Variants in DPPA4 observed in about 807,000 individuals in gnomAD.
DPPA4 encodes developmental pluripotency associated 4.
In DPPA4, 22 loss-of-function variants were observed where a neutral mutation model predicts 33.7. The ratio of observed to expected loss-of-function variants is 0.65; its 90% confidence interval spans 0.47 to 0.93. The LOEUF (loss-of-function observed/expected upper bound fraction) is 0.93, where lower values mean the gene tolerates loss of function less well. DPPA4 is among the 40% of genes least tolerant of loss of function. DPPA4 has a pLI of 0.00. For synonymous variants in DPPA4, 156 were observed against 132.3 expected, an observed-to-expected ratio of 1.18 and a Z score of -1.23; for missense variants, 340 against 358.6, an observed-to-expected ratio of 0.95 and a Z score of 0.42.
In DPPA4 at chr3:109,331,770, A is replaced by G; in HGVS notation, c.354T>C (p.Tyr118=). 1.9e-6 allele frequency: 3 copies of G among 1,614,090 alleles called. No individual in the cohort carries two copies. Among genetic ancestry groups the G allele is most frequent in the Non-Finnish European group, 2.5e-6 (3 of 1,180,018 alleles). Residue 118 remains tyrosine (Y), a synonymous_variant, in exon 4 of 7, where the codon TAT becomes TAC. Transcript: ENST00000335658. ...GGTAGGCAAAGGCACACAGGCGCTT[A>G]TATGCATCCAATTTCTAAGACAATA... ...LSSKGQKLDA[Y]KRLCAFAYPN...
intron 1 of DPPA4, 134 bp downstream of exon 1, chr3:109,337,325 TTAAAA>T: frequency 1.4e-6 from 1 of 719,842 alleles, no homozygotes; most frequent in East Asian, 2.7e-5. Context: ...GGCCTTACTC[TTAAAA>T]TAAAAAAAAA....
intron 5 of DPPA4, 110 bp from the exon 6 acceptor site, chr3:109,329,198 C>T (rs1708001508): frequency 1.1e-6 from 1 of 924,592 alleles, no homozygotes; most frequent in Non-Finnish European, 1.7e-6. Flanking sequence ...AGATGTGAAC[C>T]CTGAAATCCT....
chr3:109,332,095 G>A, intron 2 of DPPA4, 64 bp from the exon 3 acceptor site: 1 of 1,412,342 alleles, frequency 7.1e-7, no homozygotes, highest in Non-Finnish European at 9.6e-7. Context: ...AATTTCAAAA[G>A]TAAAATCACT....
Position 109,337,544 on chromosome 3 carries a change from A to G in DPPA4, c.-27T>C, listed in dbSNP as rs188593809. 3.7e-6 allele frequency: 6 copies of G among 1,613,188 alleles called. 1 individual carries two copies. The East Asian group carries it at 1.3e-4, about 36-fold the overall frequency. On this transcript the variant is annotated 5_prime_UTR_variant, in exon 1 of 7. Transcript: ENST00000335658. ...CTTCCAAAATGGCCCCTGCCCCAAG[A>G]TTGCTATTTGCAAAGTCTCCTCCCA...
At chr3:109,336,263 C>A (rs1374566418) in intron 1 of DPPA4, 1 of 152,126 alleles carries the variant, frequency 6.6e-6, no homozygotes, top group Non-Finnish European at 1.5e-5. Context: ...ATCTCTATAG[C>A]AGTTCTACAT....
In DPPA4 at chr3:109,326,600, C is replaced by T. The variant is rs1707939999; in HGVS notation, c.*1388G>A. On this transcript the variant is annotated 3_prime_UTR_variant, in exon 7 of 7. Coordinates refer to ENST00000335658, the MANE Select transcript of DPPA4 (RefSeq NM_018189.4). ...ATTAAACGGGCAAAAAAAAAGATCC[C>T]CTACTTGTAATAACAAAACAATGTT... 1.3e-5 allele frequency: 2 copies of T among 152,062 alleles called. No individual in the cohort carries two copies. Among genetic ancestry groups the T allele is most frequent in the Admixed American group, 6.6e-5 (1 of 15,260 alleles). 9.4% of individuals were successfully genotyped at this position (152,062 alleles called of 1,614,324 possible). A position where few individuals can be genotyped will look rare whatever the true frequency, so the allele number is the denominator to read the frequency against.
intron 5 of DPPA4, 39 bp downstream of exon 5, chr3:109,330,485 C>T (rs1443368191): frequency 5.6e-6 from 9 of 1,608,044 alleles, no homozygotes; most frequent in Non-Finnish European, 7.7e-6. Flanking sequence ...AAGCTTATTT[C>T]CCCATTGGAC....
intron 4 of DPPA4, among the ~76,000 whole-genome samples, 157 bp downstream of exon 4, chr3:109,331,577 A>G (rs1708080715): frequency 6.7e-6 from 1 of 150,266 alleles, no homozygotes; most frequent in Admixed American, 6.6e-5. Context: ...AGAAAGAAAG[A>G]AAGAAAAAAA....
chr3:109,331,543 C>CAAAAAAAAAAAAAAAAAAAAA (rs62827961), intron 4 of DPPA4, among the ~76,000 whole-genome samples, 191 bp downstream of exon 4: 7 of 71,462 alleles, frequency 9.8e-5, no homozygotes, highest in African/African-American at 1.1e-4. Context: ...GACTCTGTCT[C>CAAAAAAAAAAAAAAAAAAAAA]AAAAAAAAAA....
intron 1 of DPPA4, among the ~76,000 whole-genome samples, chr3:109,334,599 T>G (rs541189120): frequency 6.6e-6 from 1 of 152,086 alleles, no homozygotes; most frequent in Admixed American, 6.6e-5. Flanking sequence ...CAGAATTTTT[T>G]CCCCCAGTCC....
At chr3:109,328,798 C>A in intron 6 of DPPA4, 92 bp downstream of exon 6, 1 of 1,144,688 alleles carries the variant, frequency 8.7e-7, no homozygotes, top group Middle Eastern at 2.0e-4. Context: ...GCTTGAAATA[C>A]CTGGCTATTT....
chr3:109,331,647 G>T, intron 4 of DPPA4, 87 bp downstream of exon 4: 2 of 1,160,904 alleles, frequency 1.7e-6, no homozygotes, highest in Non-Finnish European at 2.5e-6. Context: ...GGAACAAGGT[G>T]AGGCTAAGAC....
rs761150350 is a variant in DPPA4, at chr3:109,333,861, A to T, written c.178+9T>A. 4.5e-5 allele frequency: 73 copies of T among 1,609,926 alleles called. No homozygotes were observed. The highest frequency in any genetic ancestry group is 6.1e-5 in the Non-Finnish European group (72 of 1,178,602). ...GAAGGTGGGATTTGAGAATTTGAAG[A>T]CCTCTTACCTTTACTGCCTTTGATA... On this transcript the variant is annotated intron_variant, in intron 2 of 6. Coordinates refer to ENST00000335658, the MANE Select transcript of DPPA4 (RefSeq NM_018189.4).
rs113833418 is a variant in DPPA4, at chr3:109,333,637, T to C, written c.178+233A>G. The C allele has an allele frequency of 1.2e-3, 390 of 316,790 alleles. 2 individuals carry two copies. The highest frequency in any genetic ancestry group is 6.7e-3 in the African/African-American group (312 of 46,604). The allele number at this position is 316,790 out of a possible 1,614,324, so 19.6% of individuals were successfully genotyped here. A position where few individuals can be genotyped will look rare whatever the true frequency, so the allele number is the denominator to read the frequency against. ...TCCAAGTAGCAAGTGAAGGAAAAAA[T>C]GATCAGCAGAACCAAATATGCTGTG... is the stretch of plus-strand genomic sequence containing the variant. On this transcript the variant is annotated intron_variant, in intron 2 of 6. Coordinates refer to ENST00000335658, the MANE Select transcript of DPPA4 (RefSeq NM_018189.4).
intron 1 of DPPA4, among the ~76,000 whole-genome samples, chr3:109,336,801 G>C (rs755950491): frequency 1.3e-5 from 2 of 152,204 alleles, no homozygotes; most frequent in African/African-American, 2.4e-5. Flanking sequence ...GATCGTTTGA[G>C]CCTGGGCGGT....
intron 6 of DPPA4, 69 bp from the exon 7 acceptor site, chr3:109,328,093 CT>C: frequency 3.0e-6 from 3 of 1,004,334 alleles, no homozygotes; most frequent in Middle Eastern, 2.3e-4. Flanking sequence ...AAGAAACCCG[CT>C]GCTGGAATGC....
intron 4 of DPPA4, 61 bp from the exon 5 acceptor site, chr3:109,330,873 C>CTAAAGGT (rs1708056693): frequency 7.6e-6 from 11 of 1,447,058 alleles, no homozygotes; most frequent in Non-Finnish European, 5.6e-6. Context: ...CAAAAATGGC[C>CTAAAGGT]TAAGGAGCTC....
Position 109,333,995 on chromosome 3 carries a change from T to C in DPPA4, c.55-2A>G, listed in dbSNP as rs1290690794. On this transcript the variant is annotated splice_acceptor_variant, in intron 1 of 6. Transcript: ENST00000335658. LOFTEE classifies it high-confidence loss of function. ...CCTCGACTTCTCTGTGGAGGTCCAC[T>C]GGGGAACAGAGGAGCTGGTCAGTCA... 6.2e-7 allele frequency: 1 copy of C among 1,614,054 alleles called. No homozygotes were observed. Among genetic ancestry groups the C allele is most frequent in the Non-Finnish European group, 8.5e-7 (1 of 1,179,960 alleles).
intron 1 of DPPA4, 77 bp from the exon 2 acceptor site, chr3:109,334,070 A>C: frequency 6.5e-6 from 10 of 1,542,280 alleles, no homozygotes; most frequent in South Asian, 3.6e-5. Flanking sequence ...AAGATAACTC[A>C]CTTCTAAGGC....
Sources: gnomAD v4.1 joint callset for allele counts (sites outside exome capture counted in the v4.1 genomes callset) on GRCh38, gnomAD v4.1.1 for gene constraint, MANE v1.5 for transcripts, NCBI Gene and HGNC (gene_info 2026-07-23, HGNC 2026-07-21) for gene names.